The following SGCZ variants were observed in gnomAD, a reference collection of about 807,000 sequenced individuals.
The protein encoded by SGCZ is zeta-sarcoglycan.
SGCZ carries 40 observed loss-of-function variants against 41.3 expected under a neutral mutation model. The ratio of observed to expected loss-of-function variants is 0.97; its 90% CI spans 0.75 to 1.26. The LOEUF is 1.26. Among genes scored for constraint, SGCZ ranks in the 50% most tolerant of loss-of-function variants. The probability of loss-of-function intolerance (pLI) is 0.00; values close to 1 mark genes in which losing one functional copy is unlikely to be tolerated. For missense variants in SGCZ, 552 were observed against 369.8 expected, an observed-to-expected ratio of 1.49 and a Z score of -4.04; for synonymous variants, 206 against 137.5, an observed-to-expected ratio of 1.50 and a Z score of -3.49.
intron 2 of SGCZ, among the ~76,000 whole-genome samples, chr8:14,434,885 A>G (rs1305451232): frequency 6.6e-6 from 1 of 152,116 alleles, no homozygotes; most frequent in Non-Finnish European, 1.5e-5. Flanking sequence ...GTGAGCTGTG[A>G]TCGTGCCACT....
chr8:14,324,067 T>C, intron 3 of SGCZ, 36 bp downstream of exon 3: 2 of 1,415,500 alleles, frequency 1.4e-6, no homozygotes, highest in East Asian at 4.6e-5. Context: ...ACCTCTAAAT[T>C]ATCTTTTAGA....
At chr8:14,188,615 T>A (rs1804982900) in intron 4 of SGCZ, among the ~76,000 whole-genome samples, 1 of 152,150 alleles carries the variant, frequency 6.6e-6, no homozygotes, top group Non-Finnish European at 1.5e-5. Context: ...ATTCTGAAAT[T>A]GACTGTGGTG....
At chr8:14,107,071 C>G (rs967821308) in intron 6 of SGCZ, among the ~76,000 whole-genome samples, 1 of 151,926 alleles carries the variant, frequency 6.6e-6, no homozygotes, top group African/African-American at 2.4e-5. Context: ...AAAAAATTAA[C>G]CGGGCACAAT....
chr8:14,353,073 GCATGAGTTTGAAATCTTGTTCTTACA>G (rs143657247), intron 2 of SGCZ, among the ~76,000 whole-genome samples: 30,311 of 151,992 alleles, frequency 0.2, 3,803 homozygotes, highest in Non-Finnish European at 0.29. Context: ...GTTGCACGTT[GCATGAGTTTGAAATCTTGTTCTTACA>G]CATACGATTT....
intron 1 of SGCZ, among the ~76,000 whole-genome samples, chr8:14,904,218 T>C (rs1314029382): frequency 6.6e-6 from 1 of 152,040 alleles, no homozygotes; most frequent in Non-Finnish European, 1.5e-5. Context: ...TGAAAATTCT[T>C]CCCCCTGAAC....
At chr8:14,124,047 G>C (rs1041356234) in intron 5 of SGCZ, among the ~76,000 whole-genome samples, 9 of 152,262 alleles carry the variant, frequency 5.9e-5, no homozygotes, top group South Asian at 4.1e-4. Context: ...AAAGGAAACA[G>C]ATTGACTCAG....
At chr8:14,697,975 T>G (rs1460032174) in intron 1 of SGCZ, among the ~76,000 whole-genome samples, 1 of 151,990 alleles carries the variant, frequency 6.6e-6, no homozygotes, top group Non-Finnish European at 1.5e-5. Context: ...CTTCGGTATT[T>G]GTTGAACGTT....
rs367821929 is a variant in SGCZ, at chr8:14,667,956, G to GTTAT, written c.40-113034_40-113031dup. On this transcript the variant is annotated intron_variant, in intron 1 of 7. Coordinates refer to ENST00000382080, the MANE Select transcript of SGCZ (RefSeq NM_139167.4). ...AACCATGATCCACCAAGCAACCTGG[G>GTTAT]TTATTTATTTATTTATTTGAGATGG... Among the ~76,000 whole-genome samples the GTTAT allele has an allele frequency of 5.2e-3, 791 of 152,028 alleles. 3 individuals are homozygous for GTTAT. The highest frequency in any genetic ancestry group is 9.5e-3 in the Non-Finnish European group (644 of 67,944).
intron 5 of SGCZ, among the ~76,000 whole-genome samples, chr8:14,164,147 A>T (rs1356898300): frequency 6.6e-6 from 1 of 152,170 alleles, no homozygotes; most frequent in East Asian, 1.9e-4. Flanking sequence ...ATAATTATGA[A>T]AGCCATATAA....
chr8:14,921,636 G>T (rs752181196), intron 1 of SGCZ, among the ~76,000 whole-genome samples: 1 of 151,920 alleles, frequency 6.6e-6, no homozygotes, highest in African/African-American at 2.4e-5. Flanking sequence ...ATAAATAGTA[G>T]TAGCCAGAAT....
At chr8:14,431,354 G>A (rs1388377891) in intron 2 of SGCZ, among the ~76,000 whole-genome samples, 1 of 152,128 alleles carries the variant, frequency 6.6e-6, no homozygotes, top group Non-Finnish European at 1.5e-5. Flanking sequence ...ATAGACCAAA[G>A]GAACAGAATG....
intron 2 of SGCZ, among the ~76,000 whole-genome samples, chr8:14,424,093 C>T (rs1226857869): frequency 6.6e-6 from 1 of 152,078 alleles, no homozygotes; most frequent in Admixed American, 6.6e-5. Flanking sequence ...AATGAGTCTG[C>T]TGATAGAAAA....
chr8:14,390,253 A>G (rs1052545798), intron 2 of SGCZ, among the ~76,000 whole-genome samples: 2 of 152,056 alleles, frequency 1.3e-5, no homozygotes, highest in Admixed American at 6.6e-5. Context: ...GCATATAGAA[A>G]GGGCAATAAC....
intron 1 of SGCZ, among the ~76,000 whole-genome samples, chr8:15,092,348 G>A (rs1420360470): frequency 6.6e-6 from 1 of 152,132 alleles, no homozygotes; most frequent in Non-Finnish European, 1.5e-5. Context: ...ATGGGATACA[G>A]AAAACTTTTA....
At chr8:14,244,334 G>C (rs760619015) in intron 3 of SGCZ, among the ~76,000 whole-genome samples, 27 of 151,712 alleles carry the variant, frequency 1.8e-4, no homozygotes, top group Non-Finnish European at 3.4e-4. Context: ...CGTGAAACAA[G>C]TCATATCAAA....
chr8:15,228,250 C>A (rs796124942), intron 1 of SGCZ, among the ~76,000 whole-genome samples: 4 of 152,246 alleles, frequency 2.6e-5, no homozygotes, highest in African/African-American at 9.6e-5. Context: ...TTGTCCTTGC[C>A]ACAAGCCAAA....
At chr8:14,443,142 T>C (rs982536940) in intron 2 of SGCZ, among the ~76,000 whole-genome samples, 1 of 140,136 alleles carries the variant, frequency 7.1e-6, no homozygotes, top group African/African-American at 2.9e-5. Context: ...CACAAACCAC[T>C]GCTCAAGGAA....
intron 5 of SGCZ, among the ~76,000 whole-genome samples, chr8:14,134,499 A>G (rs1391766170): frequency 6.6e-6 from 1 of 152,218 alleles, no homozygotes; most frequent in Non-Finnish European, 1.5e-5. Context: ...TGTGCCTGTA[A>G]TTTCCTGTGT....
intron 1 of SGCZ, among the ~76,000 whole-genome samples, chr8:14,742,771 G>C (rs1164072090): frequency 6.6e-6 from 1 of 152,022 alleles, no homozygotes; most frequent in Non-Finnish European, 1.5e-5. Flanking sequence ...ACAAACATAA[G>C]GAAGAGGTTA....
Sources: gnomAD v4.1 joint callset for allele counts (sites outside exome capture counted in the v4.1 genomes callset) on GRCh38, gnomAD v4.1.1 for gene constraint, MANE v1.5 for transcripts, NCBI Gene and HGNC (gene_info 2026-07-23, HGNC 2026-07-21) for gene names.